THSD7A: variants seen among roughly 807,000 people sequenced by gnomAD.
THSD7A encodes thrombospondin type 1 domain containing 7A.
In THSD7A, 96 loss-of-function variants were observed where a neutral mutation model predicts 231.3. The ratio of observed to expected loss-of-function variants is 0.41; its 90% CI spans 0.35 to 0.49. The LOEUF (loss-of-function observed/expected upper bound fraction) is 0.49, where lower values mean the gene tolerates loss of function less well. Ranked by LOEUF, THSD7A falls within the 20% of genes least tolerant of loss-of-function variation. The pLI is 0.05. For synonymous variants in THSD7A, 940 were observed against 743.3 expected (o/e 1.26, Z -4.30); for missense variants, 2,290 against 2,070.2 (o/e 1.11, Z -2.06).
At chr7:11,825,027 A>C (rs557100201) in intron 1 of THSD7A, among the ~76,000 whole-genome samples, 1 of 152,032 alleles carries the variant, frequency 6.6e-6, no homozygotes, top group East Asian at 1.9e-4. Context: ...CTAATAAAAA[A>C]TATGTCTATA....
At chr7:11,639,477 G>C (rs1337112192) in intron 1 of THSD7A, among the ~76,000 whole-genome samples, 1 of 152,014 alleles carries the variant, frequency 6.6e-6, no homozygotes, top group Non-Finnish European at 1.5e-5. Context: ...AGACCATCCT[G>C]ACTAACACAG....
chr7:11,670,339 A>G (rs2088495244), intron 1 of THSD7A, among the ~76,000 whole-genome samples: 1 of 152,226 alleles, frequency 6.6e-6, no homozygotes, highest in Admixed American at 6.5e-5. Flanking sequence ...ATGTCCAGGC[A>G]AAGGCCAAAG....
chr7:11,391,585 T>C (rs865879565), intron 23 of THSD7A, among the ~76,000 whole-genome samples: 4 of 152,146 alleles, frequency 2.6e-5, no homozygotes, highest in African/African-American at 4.8e-5. Flanking sequence ...CTCAGCCCCC[T>C]TTCCAGGGCA....
chr7:11,480,148 A>G (rs1459533011), intron 7 of THSD7A, among the ~76,000 whole-genome samples: 1 of 152,234 alleles, frequency 6.6e-6, no homozygotes, highest in Non-Finnish European at 1.5e-5. Flanking sequence ...CTTATAATGC[A>G]ACCACTAAAC....
intron 4 of THSD7A, among the ~76,000 whole-genome samples, chr7:11,559,509 A>ATATATAAATCCATG (rs1284492705): frequency 5.3e-5 from 8 of 150,396 alleles, no homozygotes; most frequent in Non-Finnish European, 1.2e-4. Flanking sequence ...ACATATACAT[A>ATATATAAATCCATG]TATATAAATC....
At chr7:11,687,444 G>A (rs551048211) in intron 1 of THSD7A, among the ~76,000 whole-genome samples, 21 of 151,872 alleles carry the variant, frequency 1.4e-4, no homozygotes, top group Middle Eastern at 6.8e-3. Context: ...ACACTCACAC[G>A]TGGCTTATTG....
intron 13 of THSD7A, among the ~76,000 whole-genome samples, chr7:11,442,821 CT>C (rs1784847951): frequency 6.6e-6 from 1 of 152,026 alleles, no homozygotes; most frequent in Non-Finnish European, 1.5e-5. Context: ...TGCAGAAGAA[CT>C]AAACTAGAAC....
chr7:11,458,703 G>C (rs1300977975), intron 11 of THSD7A, among the ~76,000 whole-genome samples: 1 of 152,116 alleles, frequency 6.6e-6, no homozygotes, highest in African/African-American at 2.4e-5. Context: ...TTTTATCACA[G>C]AGGGAGTGGG....
chr7:11,813,292 T>G (rs190705703), intron 1 of THSD7A, among the ~76,000 whole-genome samples: 5 of 152,370 alleles, frequency 3.3e-5, no homozygotes, highest in Non-Finnish European at 7.3e-5. Context: ...TCTTATGAAT[T>G]AGGTCCCCTA....
At chr7:11,769,514 T>A (rs1446322113) in intron 1 of THSD7A, among the ~76,000 whole-genome samples, 1 of 152,060 alleles carries the variant, frequency 6.6e-6, no homozygotes, top group Non-Finnish European at 1.5e-5. Flanking sequence ...TTTATCTTTT[T>A]TTTCAAGAAG....
At chr7:11,642,001 T>C (rs1023882133) in intron 1 of THSD7A, among the ~76,000 whole-genome samples, 4 of 152,100 alleles carry the variant, frequency 2.6e-5, no homozygotes, top group African/African-American at 9.7e-5. Context: ...CCACATTCAA[T>C]AGAAAAGGGA....
chr7:11,761,110 C>A (rs1447087036), intron 1 of THSD7A, among the ~76,000 whole-genome samples: 2 of 151,760 alleles, frequency 1.3e-5, no homozygotes, highest in African/African-American at 2.4e-5. Context: ...CGAAGATTAA[C>A]TGCTGTTTCT....
intron 23 of THSD7A, chr7:11,385,074 G>T (rs1782675366): frequency 6.7e-6 from 1 of 149,314 alleles, no homozygotes; most frequent in Admixed American, 6.7e-5. Context: ...TATTGTCAAT[G>T]CAGCTTTTTC....
intron 1 of THSD7A, among the ~76,000 whole-genome samples, chr7:11,676,339 A>G (rs946936859): frequency 6.6e-6 from 1 of 152,204 alleles, no homozygotes; most frequent in Non-Finnish European, 1.5e-5. Flanking sequence ...GAAAATGCCA[A>G]CAACAAGAAT....
rs143648672 is a variant in THSD7A at position 11,796,894 on chromosome 7, T to C, written c.190+34863A>G. Reference sequence around the variant, plus strand: ...TATATCTGTAATAAGGTTTAAAGTGTATACTAAAATAGCACTGTGGAATTT... The same window carrying C: ...TATATCTGTAATAAGGTTTAAAGTGCATACTAAAATAGCACTGTGGAATTT... On this transcript the variant is annotated intron_variant, in intron 1 of 27. Coordinates refer to ENST00000423059, the MANE Select transcript of THSD7A (RefSeq NM_015204.3). Among the ~76,000 whole-genome samples the C allele has an allele frequency of 8.2e-3, 1,243 of 152,246 alleles. 12 individuals carry two copies. Among genetic ancestry groups the C allele is most frequent in the African/African-American group, 0.028 (1,178 of 41,570 alleles).
intron 6 of THSD7A, among the ~76,000 whole-genome samples, chr7:11,540,743 A>G (rs1306853404): frequency 2.0e-5 from 3 of 152,234 alleles, no homozygotes; most frequent in African/African-American, 7.2e-5. Flanking sequence ...AAAATCTTAT[A>G]TCAGAGCTAA....
intron 7 of THSD7A, among the ~76,000 whole-genome samples, chr7:11,477,799 G>C (rs540149719): frequency 6.6e-6 from 1 of 152,244 alleles, no homozygotes; most frequent in African/African-American, 2.4e-5. Context: ...TAGAAACCAA[G>C]ATCTGACTGC....
At chr7:11,759,756 A>G (rs898919288) in intron 1 of THSD7A, among the ~76,000 whole-genome samples, 9 of 152,110 alleles carry the variant, frequency 5.9e-5, no homozygotes, top group South Asian at 2.1e-4. Context: ...CTGTCAACCT[A>G]GAATTTTATG....
At chr7:11,753,951 A>C (rs1233729616) in intron 1 of THSD7A, among the ~76,000 whole-genome samples, 1 of 152,024 alleles carries the variant, frequency 6.6e-6, no homozygotes, top group Admixed American at 6.6e-5. Context: ...CAGCAACAAC[A>C]ACAAACAGAC....
Sources: gnomAD v4.1 joint callset for allele counts (sites outside exome capture counted in the v4.1 genomes callset) on GRCh38, gnomAD v4.1.1 for gene constraint, MANE v1.5 for transcripts, NCBI Gene and HGNC (gene_info 2026-07-23, HGNC 2026-07-21) for gene names.